The following TBC1D25 variants were observed in gnomAD, a reference collection of about 807,000 sequenced individuals.
TBC1D25 encodes 5SN3 snoRNA.
TBC1D25 carries 13 observed loss-of-function variants against 38.8 expected under a neutral mutation model. That is an observed-to-expected ratio of 0.34 (90% CI 0.22 to 0.53). TBC1D25 has a LOEUF of 0.53. TBC1D25 is among the 20% of genes least tolerant of loss of function. The pLI, the probability that TBC1D25 is intolerant of heterozygous loss-of-function variation, is 0.94. For synonymous variants in TBC1D25, 225 were observed against 255.6 expected (o/e 0.88, Z 1.14); for missense variants, 372 against 600.0 (o/e 0.62, Z 3.97).
chrX:48,544,792 C>G, intron 2 of TBC1D25, 77 bp from the exon 3 acceptor site: 1 of 1,149,273 alleles, frequency 8.7e-7, no homozygotes, highest in South Asian at 2.0e-5. Flanking sequence ...CTATATTACC[C>G]TCCTTGTTTT....
chrX:48,542,487 TCTC>T (rs1328895604), intron 2 of TBC1D25, among the ~76,000 whole-genome samples: 1 of 102,058 alleles, frequency 9.8e-6, no homozygotes, highest in East Asian at 3.1e-4. Flanking sequence ...TTTTTGATCT[TCTC>T]TTTTTTTTTT....
At chrX:48,541,205 T>C (rs1364710066) in intron 1 of TBC1D25, 128 bp from the exon 2 acceptor site, 1 of 565,283 alleles carries the variant, frequency 1.8e-6, no homozygotes, top group Non-Finnish European at 3.1e-6. Context: ...CTGGACCCTG[T>C]GGTCCAGAAC....
intron 3 of TBC1D25, among the ~76,000 whole-genome samples, chrX:48,558,111 CAAA>C (rs782514374): frequency 2.6e-3 from 127 of 49,494 alleles, no homozygotes; most frequent in African/African-American, 6.4e-3. Context: ...ACTCCGTCTC[CAAA>C]AAAAAAAAAA....
chrX:48,550,388 TG>T (rs2061920529), intron 3 of TBC1D25, among the ~76,000 whole-genome samples: 1 of 112,021 alleles, frequency 8.9e-6, no homozygotes, highest in Non-Finnish European at 1.9e-5. Context: ...GATTTATTTC[TG>T]GGCTTTCTAT....
At chrX:48,540,505 T>C (rs1383607443) in intron 1 of TBC1D25, among the ~76,000 whole-genome samples, 3 of 111,780 alleles carry the variant, frequency 2.7e-5, no homozygotes, top group Admixed American at 1.9e-4. Context: ...GGAAGAGTAT[T>C]CTAGGCAGAA....
rs564223025 is a variant in TBC1D25 at position 48,557,787 on chromosome X, C to T, written c.389-1110C>T. 8.0e-5 allele frequency among the ~76,000 whole-genome samples: 8 copies of T among 100,162 alleles called. No individual in the cohort carries two copies. The South Asian group carries it at 1.9e-3, about 23-fold the overall frequency. 87.0% of individuals were successfully genotyped at this position (100,162 alleles called of 115,157 possible). ...TTGCACCACTGCACTCCAGCCTGGG[C>T]GACAGAGTGAGACTCCATCTCAAAA... On this transcript the variant is annotated intron_variant, in intron 3 of 5. Coordinates refer to ENST00000376771, the MANE Select transcript of TBC1D25 (RefSeq NM_002536.4).
chrX:48,556,653 A>AGGAGAATT (rs2061977501), intron 3 of TBC1D25, among the ~76,000 whole-genome samples: 1 of 105,358 alleles, frequency 9.5e-6, no homozygotes, highest in Non-Finnish European at 1.9e-5. Flanking sequence ...AGGCTGTGGC[A>AGGAGAATT]GGAGAATTGG....
At chrX:48,559,045 G>A in intron 4 of TBC1D25, 21 bp downstream of exon 4, 1 of 1,209,772 alleles carries the variant, frequency 8.3e-7, no homozygotes, top group South Asian at 1.8e-5. Context: ...GGACCCTAGG[G>A]ACCCAGCTGT....
intron 3 of TBC1D25, among the ~76,000 whole-genome samples, chrX:48,553,903 G>A (rs1285768915): frequency 9.1e-6 from 1 of 109,732 alleles, no homozygotes; most frequent in Non-Finnish European, 1.9e-5. Context: ...GGATTAGGCT[G>A]GGCATGGTGG....
rs1362423218 is a variant in TBC1D25, at chrX:48,559,359, A to G, written c.705+13A>G. The G allele has an allele frequency of 1.7e-6, 2 of 1,199,144 alleles. No individual in the cohort carries two copies. The highest frequency in any genetic ancestry group is 2.2e-6 in the Non-Finnish European group (2 of 889,521). Reference sequence around the variant, plus strand: ...CTCGCTGCGAAAGGTGAGCATCCTCAGTCATCTGTTGGGTCCATCACTGCT... The same window carrying G: ...CTCGCTGCGAAAGGTGAGCATCCTCGGTCATCTGTTGGGTCCATCACTGCT... On this transcript the variant is annotated intron_variant, in intron 5 of 5. Coordinates refer to ENST00000376771, the MANE Select transcript of TBC1D25 (RefSeq NM_002536.4).
At chrX:48,558,654 A>G (rs1276718206) in intron 3 of TBC1D25, among the ~76,000 whole-genome samples, 4 of 112,575 alleles carry the variant, frequency 3.6e-5, no homozygotes, top group Admixed American at 1.9e-4. Flanking sequence ...TAACTGCTCA[A>G]TAAATATTAC....
At chrX:48,541,481 C>T in intron 2 of TBC1D25, 39 bp downstream of exon 2, 10 of 1,143,756 alleles carry the variant, frequency 8.7e-6, no homozygotes, top group African/African-American at 1.8e-5. Flanking sequence ...AGTGGGCCAC[C>T]GACCTCTACA....
intron 2 of TBC1D25, among the ~76,000 whole-genome samples, chrX:48,543,819 G>A (rs1224419679): frequency 2.8e-5 from 3 of 105,824 alleles, no homozygotes; most frequent in Non-Finnish European, 3.9e-5. Context: ...GGGAGGCGGA[G>A]CTTGCAGCGA....
At chrX:48,554,515 A>G (rs1161709702) in intron 3 of TBC1D25, among the ~76,000 whole-genome samples, 1 of 104,360 alleles carries the variant, frequency 9.6e-6, no homozygotes, top group Non-Finnish European at 2.0e-5. Flanking sequence ...AGCCGAGATC[A>G]TACCATTGTG....
intron 3 of TBC1D25, among the ~76,000 whole-genome samples, chrX:48,555,967 A>G (rs1556984356): frequency 9.3e-6 from 1 of 107,304 alleles, no homozygotes; most frequent in African/African-American, 3.4e-5. Flanking sequence ...CCTATCTCAG[A>G]ATAGAACGAA....
At position 48,561,689 on chromosome X, in the gene TBC1D25, TTTTTG is replaced by T. The variant is rs1173190119; in HGVS notation, c.*719_*723del. ...GCCCTGGGCAGGGGCCTCGGCCTCC[TTTTTG>T]TTTTCCACTTCAGACAGGTACCGTG... On this transcript the variant is annotated 3_prime_UTR_variant, in exon 6 of 6. Coordinates refer to ENST00000376771, the MANE Select transcript of TBC1D25 (RefSeq NM_002536.4). The T allele has an allele frequency of 2.7e-5, 3 of 112,613 alleles. No homozygotes were observed. Among genetic ancestry groups the T allele is most frequent in the African/African-American group, 9.7e-5 (3 of 31,036 alleles). The allele number at this position is 112,613 out of a possible 1,213,427, so 9.3% of individuals were successfully genotyped here. A position where few individuals can be genotyped will look rare whatever the true frequency, so the allele number is the denominator to read the frequency against.
intron 1 of TBC1D25, 83 bp downstream of exon 1, chrX:48,540,003 G>A: frequency 1.1e-6 from 1 of 935,406 alleles, no homozygotes; most frequent in Non-Finnish European, 1.3e-6. Flanking sequence ...TGGAGGGCGG[G>A]ACCTGAGATT....
intron 3 of TBC1D25, among the ~76,000 whole-genome samples, chrX:48,554,115 A>T (rs1188025724): frequency 1.8e-5 from 2 of 108,673 alleles, no homozygotes; most frequent in Admixed American, 9.7e-5. Flanking sequence ...CGGGAGGCGG[A>T]GGTTGCAGTG....
chrX:48,551,591 C>T (rs1296638790), intron 3 of TBC1D25, among the ~76,000 whole-genome samples: 2 of 106,445 alleles, frequency 1.9e-5, no homozygotes, highest in Non-Finnish European at 3.8e-5. Flanking sequence ...TCTCAAAGTG[C>T]TGGGATTACA....
Sources: gnomAD v4.1 joint callset for allele counts (sites outside exome capture counted in the v4.1 genomes callset) on GRCh38, gnomAD v4.1.1 for gene constraint, MANE v1.5 for transcripts, NCBI Gene and HGNC (gene_info 2026-07-23, HGNC 2026-07-21) for gene names.